CRB1: variants seen among roughly 807,000 people sequenced by gnomAD.
CRB1 encodes the protein crumbs cell polarity complex component 1.
A neutral mutation model predicts 120.0 loss-of-function variants in CRB1; 83 were observed. The observed-to-expected ratio is 0.69, with a 90% CI of 0.58 to 0.83. CRB1 has a LOEUF of 0.83. Among genes scored for constraint, CRB1 ranks in the 40% least tolerant of loss-of-function variants. CRB1 has a pLI of 0.00. For synonymous variants in CRB1, 625 were observed against 612.5 expected (o/e 1.02, Z -0.30); for missense variants, 1,699 against 1,687.6 (o/e 1.01, Z -0.12).
chr1:197,375,614 C>T lies in CRB1; in HGVS notation c.1171+18601C>T, dbSNP rs535148077. 1.1e-4 allele frequency among the ~76,000 whole-genome samples: 17 copies of T among 152,238 alleles called. No individual in the cohort carries two copies. The East Asian group carries it at 1.9e-3, about 17-fold the overall frequency. On this transcript the variant is annotated intron_variant, in intron 5 of 11. Coordinates refer to ENST00000367400, the MANE Select transcript of CRB1 (RefSeq NM_201253.3). ...ATCTATCTGTCACTCATTTACTTGCCGCCTCCCAATTCCTGCCTATGTTTG... is the reference window on the plus strand; with the variant it reads ...ATCTATCTGTCACTCATTTACTTGCTGCCTCCCAATTCCTGCCTATGTTTG...
chr1:197,473,488 T>A lies in CRB1; in HGVS notation c.4006-4176T>A, dbSNP rs188984344. Among the ~76,000 whole-genome samples the A allele has an allele frequency of 5.3e-4, 81 of 152,278 alleles. 1 individual carries two copies. The highest frequency in any genetic ancestry group is 5.2e-3 in the Admixed American group (80 of 15,292). ...CTCTTTGAGGAGAACAAATGAAACA[T>A]CTATTTATTTTATTCTGCAGATATG... On this transcript the variant is annotated intron_variant, in intron 11 of 11. Coordinates refer to ENST00000367400, the MANE Select transcript of CRB1 (RefSeq NM_201253.3).
At chr1:197,228,119 G>A in the CRB1 span, among the ~76,000 whole-genome samples, 1 of 152,146 alleles carries the variant, frequency 6.6e-6, no homozygotes, top group South Asian at 2.1e-4. Flanking sequence ...GTGATAGGAG[G>A]TGCTGCCATG....
intron 1 of CRB1, among the ~76,000 whole-genome samples, chr1:197,290,538 T>A (rs1656113687): frequency 6.6e-6 from 1 of 151,648 alleles, no homozygotes; most frequent in Non-Finnish European, 1.5e-5. Context: ...AACCAAACTC[T>A]TGATGCAAGG....
At chr1:197,226,427 T>G in the CRB1 span, among the ~76,000 whole-genome samples, 1 of 152,248 alleles carries the variant, frequency 6.6e-6, no homozygotes. Flanking sequence ...TGTCAATTAT[T>G]AAAATACTTT....
chr1:197,446,588 C>T (rs1044668160), intron 11 of CRB1, among the ~76,000 whole-genome samples: 4 of 152,120 alleles, frequency 2.6e-5, no homozygotes, highest in African/African-American at 7.2e-5. Flanking sequence ...ATTATACTTG[C>T]ACTTTAGAAA....
intron 1 of CRB1, among the ~76,000 whole-genome samples, chr1:197,307,737 C>T (rs761612721): frequency 9.9e-5 from 15 of 152,126 alleles, no homozygotes; most frequent in Non-Finnish European, 1.9e-4. Context: ...TGTATTAGTA[C>T]TGGAGGTATT....
At chr1:197,263,035 G>A in the CRB1 span, among the ~76,000 whole-genome samples, 10 of 152,072 alleles carry the variant, frequency 6.6e-5, no homozygotes, top group Non-Finnish European at 1.5e-5. Flanking sequence ...TTTCCTTTGG[G>A]TATATACCCA....
chr1:197,280,337 G>C (rs1254523383), intron 1 of CRB1, among the ~76,000 whole-genome samples: 11 of 151,860 alleles, frequency 7.2e-5, no homozygotes, highest in Admixed American at 7.2e-4. Context: ...AATCAAGCTT[G>C]TAAGTAGGTT....
the CRB1 span, among the ~76,000 whole-genome samples, chr1:197,209,413 T>C: frequency 6.6e-6 from 1 of 152,186 alleles, no homozygotes; most frequent in Non-Finnish European, 1.5e-5. Flanking sequence ...GGTGGCGATC[T>C]TGGCTCACTG....
Position 197,421,408 on chromosome 1 carries a change from G to A in CRB1, c.1580G>A (p.Ser527Asn), listed in dbSNP as rs760919218. The A allele has an allele frequency of 6.4e-5, 104 of 1,614,072 alleles. 1 individual carries two copies. The highest frequency in any genetic ancestry group is 8.3e-5 in the Non-Finnish European group (98 of 1,180,042). Residue 527 changes from serine to asparagine, a missense_variant, in exon 6 of 12, where the codon AGC (serine) becomes AAC (asparagine). Transcript: ENST00000367400. ...VQPMALLLFR[S>N]NRDVFVKLEL... is the part of the protein sequence containing the mutation. ...CCAATGGCTCTTCTACTTTTCCGAA[G>A]CAACAGGGATGTGTTTGTGAAGCTG...
At chr1:197,399,519 A>T (rs1469584201) in intron 5 of CRB1, among the ~76,000 whole-genome samples, 2 of 152,188 alleles carry the variant, frequency 1.3e-5, no homozygotes, top group Admixed American at 1.3e-4. Context: ...GGTTTCTATA[A>T]AATAGAGATT....
intron 11 of CRB1, among the ~76,000 whole-genome samples, chr1:197,467,830 G>T (rs1455484296): frequency 3.3e-5 from 5 of 152,180 alleles, no homozygotes; most frequent in Admixed American, 1.3e-4. Flanking sequence ...TTGAAAATAA[G>T]TGGTATAAGT....
At position 197,365,804 on chromosome 1, in the gene CRB1, C is replaced by G. The variant is rs75525566; in HGVS notation, c.1171+8791C>G. Reference sequence around the variant, plus strand: ...ATCAGCAAACACCAGGACGGAGGCACCTCCTTGTGTTATGCTGGAGGTTAT... The same window carrying G: ...ATCAGCAAACACCAGGACGGAGGCAGCTCCTTGTGTTATGCTGGAGGTTAT... On this transcript the variant is annotated intron_variant, in intron 5 of 11. Transcript: ENST00000367400. Among the ~76,000 whole-genome samples, 111 of 152,042 alleles carry G rather than the reference C, an allele frequency of 7.3e-4. No homozygotes were observed. The East Asian group carries it at 0.021, about 28-fold the overall frequency.
intron 5 of CRB1, among the ~76,000 whole-genome samples, chr1:197,401,426 G>C (rs1190439542): frequency 6.6e-6 from 1 of 152,062 alleles, no homozygotes; most frequent in African/African-American, 2.4e-5. Context: ...AATTTAGCAT[G>C]TTTTAAATAA....
At chr1:197,368,865 G>C (rs1017709087) in intron 5 of CRB1, among the ~76,000 whole-genome samples, 5 of 152,176 alleles carry the variant, frequency 3.3e-5, no homozygotes, top group Admixed American at 3.3e-4. Flanking sequence ...TTAAAGTCTT[G>C]AGGTGCTGTC....
chr1:197,419,836 G>A (rs1027656948), intron 5 of CRB1, among the ~76,000 whole-genome samples: 14 of 150,740 alleles, frequency 9.3e-5, no homozygotes, highest in Middle Eastern at 3.2e-3. Context: ...TTAACCAGGC[G>A]TGGTGGCGGG....
chr1:197,468,799 T>A (rs886137161), intron 11 of CRB1, among the ~76,000 whole-genome samples: 1 of 152,184 alleles, frequency 6.6e-6, no homozygotes, highest in African/African-American at 2.4e-5. Flanking sequence ...GAGTTACAGG[T>A]GAGTGGAGTC....
At chr1:197,360,784 A>G (rs2125361540) in intron 5 of CRB1, among the ~76,000 whole-genome samples, 1 of 152,334 alleles carries the variant, frequency 6.6e-6, no homozygotes, top group African/African-American at 2.4e-5. Flanking sequence ...TTCCTTTACA[A>G]TATACATGCT....
At chr1:197,269,164 C>T (rs1654768046) in intron 1 of CRB1, among the ~76,000 whole-genome samples, 1 of 152,186 alleles carries the variant, frequency 6.6e-6, no homozygotes, top group African/African-American at 2.4e-5. Flanking sequence ...TTATGAAGCA[C>T]AGTAGCTATT....
Sources: allele counts gnomAD v4.1 joint callset (sites outside exome capture counted in the v4.1 genomes callset), GRCh38; gene constraint gnomAD v4.1.1; transcripts MANE v1.5; gene names NCBI Gene and HGNC (gene_info 2026-07-23, HGNC 2026-07-21).